KLHL5: variants seen among roughly 807,000 people sequenced by gnomAD.
KLHL5 encodes kelch-like protein 5.
A neutral mutation model predicts 77.7 loss-of-function variants in KLHL5; 48 were observed. That is an observed-to-expected ratio of 0.62 (90% CI 0.49 to 0.79). The LOEUF is 0.79. Ranked by LOEUF, KLHL5 falls within the 30% of genes least tolerant of loss-of-function variation. The pLI is 0.00. For synonymous variants in KLHL5, 260 were observed against 297.0 expected, an observed-to-expected ratio of 0.88 and a Z score of 1.28; for missense variants, 723 against 859.7, an observed-to-expected ratio of 0.84 and a Z score of 1.99.
chr4:39,074,812 A>G (rs1450348573), intron 1 of KLHL5, among the ~76,000 whole-genome samples: 2 of 152,186 alleles, frequency 1.3e-5, no homozygotes, highest in African/African-American at 4.8e-5. Flanking sequence ...TGTCACAACC[A>G]TCATATCCTT....
chr4:39,068,798 GAT>G (rs1718139019), intron 1 of KLHL5, among the ~76,000 whole-genome samples: 1 of 11,648 alleles, frequency 8.6e-5, no homozygotes, highest in African/African-American at 2.0e-4. Context: ...TTTAGAATCA[GAT>G]ATATTAGGCA....
Position 39,062,839 on chromosome 4 carries a change from T to G in KLHL5, c.187T>G (p.Leu63Val), listed in dbSNP as rs1717554981. ...FLDPCSLQLP[L>V]ASIGYRRSSQ... ...AGATCCATGTAGCCTACAATTGCCTTTGGCTTCAATTGGTTACCGAAGGTC... is the reference window on the plus strand; with the variant it reads ...AGATCCATGTAGCCTACAATTGCCTGTGGCTTCAATTGGTTACCGAAGGTC... Residue 63 changes from leucine to valine, a missense_variant, in exon 1 of 11, where the codon TTG (leucine) becomes GTG (valine). Coordinates refer to ENST00000504108, the MANE Select transcript of KLHL5 (RefSeq NM_015990.5). The G allele has an allele frequency of 1.2e-6, 2 of 1,614,166 alleles. No homozygotes were observed. Among genetic ancestry groups the G allele is most frequent in the Non-Finnish European group, 1.7e-6 (2 of 1,180,028 alleles).
At chr4:39,082,755 C>T (rs552342492) in intron 4 of KLHL5, among the ~76,000 whole-genome samples, 12 of 152,102 alleles carry the variant, frequency 7.9e-5, no homozygotes, top group Non-Finnish European at 7.4e-5. Context: ...GTATGACAAA[C>T]CTTCACATGT....
At chr4:39,051,824 C>T (rs1483765776) in intron 1 of KLHL5, among the ~76,000 whole-genome samples, 1 of 152,228 alleles carries the variant, frequency 6.6e-6, no homozygotes, top group Non-Finnish European at 1.5e-5. Context: ...AAAGAGCCAT[C>T]ACAGGGAAGT....
At chr4:39,131,730 A>T (rs1043632520), downstream of KLHL5, among the ~76,000 whole-genome samples, 1 of 152,004 alleles carries the variant, frequency 6.6e-6, no homozygotes. Context: ...TCTACAAAAA[A>T]TACAAAAATT....
At chr4:39,060,441 TACC>T (rs71192817), upstream of KLHL5, among the ~76,000 whole-genome samples, 7 of 148,958 alleles carry the variant, frequency 4.7e-5, no homozygotes, top group South Asian at 2.2e-4. Context: ...ACTAAAAATC[TACC>T]ACCACCACCA....
chr4:39,098,791 C>G (rs927735467), intron 6 of KLHL5, among the ~76,000 whole-genome samples: 2 of 152,008 alleles, frequency 1.3e-5, no homozygotes, highest in Non-Finnish European at 2.9e-5. Flanking sequence ...GTCTTGATCT[C>G]CTGACCTCGT....
intron 8 of KLHL5, among the ~76,000 whole-genome samples, chr4:39,111,729 TAA>T (rs1722467154): frequency 6.6e-6 from 1 of 152,178 alleles, no homozygotes; most frequent in African/African-American, 2.4e-5. Flanking sequence ...TTTTAATAGA[TAA>T]GTTTCAAATA....
chr4:39,138,894 A>G, the KLHL5 span, among the ~76,000 whole-genome samples: 1 of 152,246 alleles, frequency 6.6e-6, no homozygotes. Flanking sequence ...ATCGTTTTAA[A>G]GTAGCTCCCC....
At chr4:39,056,830 T>G (rs1717041156) in intron 1 of KLHL5, among the ~76,000 whole-genome samples, 1 of 152,184 alleles carries the variant, frequency 6.6e-6, no homozygotes, top group Non-Finnish European at 1.5e-5. Flanking sequence ...AATTTGAAAA[T>G]GCTGTCATCT....
chr4:39,063,382 A>G (rs907257529), intron 1 of KLHL5, among the ~76,000 whole-genome samples: 12 of 152,270 alleles, frequency 7.9e-5, no homozygotes, highest in Non-Finnish European at 1.6e-4. Context: ...ACTATAGAAG[A>G]TATTTCTATA....
At chr4:39,100,125 G>A (rs73132951) in intron 6 of KLHL5, among the ~76,000 whole-genome samples, 1 of 152,136 alleles carries the variant, frequency 6.6e-6, no homozygotes, top group East Asian at 1.9e-4. Flanking sequence ...CATGGAAAGG[G>A]AAGGAAACTT....
At chr4:39,068,722 C>T (rs1012508780) in intron 1 of KLHL5, among the ~76,000 whole-genome samples, 7 of 152,068 alleles carry the variant, frequency 4.6e-5, no homozygotes, top group Admixed American at 4.6e-4. Context: ...TGTCTTTATG[C>T]CATTTATTGC....
upstream of KLHL5, among the ~76,000 whole-genome samples, chr4:39,059,311 A>G (rs1203017165): frequency 1.3e-5 from 2 of 152,188 alleles, no homozygotes; most frequent in African/African-American, 4.8e-5. Context: ...AGAAAAAAAA[A>G]GGGGCCTAAA....
chr4:39,069,560 AT>A (rs1173906201), intron 1 of KLHL5, among the ~76,000 whole-genome samples: 4 of 72,072 alleles, frequency 5.6e-5, no homozygotes, highest in African/African-American at 1.5e-4. Context: ...ATATATATAT[AT>A]ATATATAAAC....
intron 1 of KLHL5, among the ~76,000 whole-genome samples, chr4:39,054,439 A>G (rs1716876063): frequency 6.6e-6 from 1 of 152,218 alleles, no homozygotes; most frequent in African/African-American, 2.4e-5. Context: ...TTTTCTGACA[A>G]CAAAATGCCC....
rs960557867 is a variant in KLHL5, at chr4:39,124,682, A to T, written c.*3616A>T. ...AAAATTAATTCAAAATAGATCAAAG[A>T]CCTAAATGTAAGAGCTAAAACCATA... On this transcript the variant is annotated 3_prime_UTR_variant, in exon 11 of 11. Transcript: ENST00000504108. Among the ~76,000 whole-genome samples the T allele has an allele frequency of 1.3e-5, 2 of 151,936 alleles. No individual in the cohort carries two copies. Among genetic ancestry groups the T allele is most frequent in the African/African-American group, 2.4e-5 (1 of 41,368 alleles).
chr4:39,087,858 C>T (rs1422268460), intron 5 of KLHL5, among the ~76,000 whole-genome samples: 1 of 152,064 alleles, frequency 6.6e-6, no homozygotes, highest in Non-Finnish European at 1.5e-5. Context: ...TTATCTTGAG[C>T]ATAATGTATT....
chr4:39,047,061 T>A (rs1716244733), intron 1 of KLHL5, among the ~76,000 whole-genome samples: 1 of 152,208 alleles, frequency 6.6e-6, no homozygotes, highest in Non-Finnish European at 1.5e-5. Context: ...GGGATGTATT[T>A]TGTAATATTT....
Sources: gnomAD v4.1 joint callset for allele counts (sites outside exome capture counted in the v4.1 genomes callset) on GRCh38, gnomAD v4.1.1 for gene constraint, MANE v1.5 for transcripts, NCBI Gene and HGNC (gene_info 2026-07-23, HGNC 2026-07-21) for gene names.